The following QTMAN variants were observed in gnomAD, a reference collection of about 807,000 sequenced individuals.
QTMAN encodes queuosine-tRNA mannosyltransferase, also known as tRNA-queuosine alpha-mannosyltransferase.
At chr2:144,045,683 T>C in the QTMAN span, among the ~76,000 whole-genome samples, 1 of 152,182 alleles carries the variant, frequency 6.6e-6, no homozygotes, top group African/African-American at 2.4e-5. Flanking sequence ...TTATAAGTAT[T>C]AGTTGTAACT....
At chr2:144,100,968 G>C in the QTMAN span, among the ~76,000 whole-genome samples, 1 of 141,338 alleles carries the variant, frequency 7.1e-6, no homozygotes, top group Admixed American at 7.5e-5. Context: ...CTCCCGGGTT[G>C]ATGCCATTCT....
chr2:144,085,410 GC>G, the QTMAN span, among the ~76,000 whole-genome samples: 1 of 152,192 alleles, frequency 6.6e-6, no homozygotes, highest in Admixed American at 6.5e-5. Flanking sequence ...GGAATAGTGT[GC>G]TTTTGCTAGT....
At chr2:144,267,067 GA>G in the QTMAN span, among the ~76,000 whole-genome samples, 13 of 150,436 alleles carry the variant, frequency 8.6e-5, no homozygotes, top group Admixed American at 2.0e-4. Context: ...ATATTTAGAG[GA>G]AAAAAAAATA....
the QTMAN span, among the ~76,000 whole-genome samples, chr2:144,058,478 T>C: frequency 2.0e-5 from 3 of 152,198 alleles, no homozygotes; most frequent in South Asian, 6.2e-4. Context: ...ATAATATCAC[T>C]AGGTCTATTA....
the QTMAN span, among the ~76,000 whole-genome samples, chr2:144,085,255 C>G: frequency 2.0e-5 from 3 of 152,340 alleles, no homozygotes; most frequent in East Asian, 5.8e-4. Context: ...AAGTGGCCAG[C>G]CCCTGGCCAT....
chr2:144,011,697 A>G, the QTMAN span: 5 of 984,488 alleles, frequency 5.1e-6, no homozygotes, highest in Non-Finnish European at 6.0e-6. Context: ...TGGCTTTTCT[A>G]TAGAACTGGA....
the QTMAN span, among the ~76,000 whole-genome samples, chr2:144,298,261 G>T: frequency 1.3e-5 from 2 of 151,552 alleles, no homozygotes; most frequent in Non-Finnish European, 2.9e-5. Context: ...CTCATGATCC[G>T]CCTGCCTTGG....
chr2:144,260,836 C>T, the QTMAN span, among the ~76,000 whole-genome samples: 2 of 151,574 alleles, frequency 1.3e-5, no homozygotes, highest in Non-Finnish European at 2.9e-5. Flanking sequence ...TTAATTCATA[C>T]TTAGTGAATG....
the QTMAN span, chr2:144,128,037 C>G: frequency 1.3e-5 from 2 of 152,030 alleles, no homozygotes; most frequent in African/African-American, 4.8e-5. Flanking sequence ...AGTGTTGCTA[C>G]AGCCACCCTG....
the QTMAN span, among the ~76,000 whole-genome samples, chr2:144,112,044 C>T: frequency 6.6e-6 from 1 of 152,124 alleles, no homozygotes; most frequent in Non-Finnish European, 1.5e-5. Flanking sequence ...TGAAGAATAA[C>T]CTAATTGGTT....
the QTMAN span, among the ~76,000 whole-genome samples, chr2:144,205,604 G>A: frequency 2.6e-5 from 4 of 152,116 alleles, no homozygotes; most frequent in Non-Finnish European, 5.9e-5. Flanking sequence ...GCCGTTAAGT[G>A]GGCAATGATC....
chr2:144,088,517 T>C, the QTMAN span, among the ~76,000 whole-genome samples: 2 of 151,906 alleles, frequency 1.3e-5, no homozygotes, highest in Admixed American at 6.6e-5. Context: ...AGCCAAAACA[T>C]TCCTAGGCAA....
At chr2:144,302,599 G>T in the QTMAN span, among the ~76,000 whole-genome samples, 1 of 152,090 alleles carries the variant, frequency 6.6e-6, no homozygotes, top group African/African-American at 2.4e-5. Context: ...TATTTTAAAG[G>T]CTGTTTCAGT....
the QTMAN span, chr2:143,952,856 T>C: frequency 6.5e-7 from 1 of 1,534,078 alleles, no homozygotes; most frequent in Admixed American, 1.7e-5. Flanking sequence ...AGAAAAATTT[T>C]AGAAAGAGGG....
the QTMAN span, among the ~76,000 whole-genome samples, chr2:144,215,467 A>T: frequency 6.6e-6 from 1 of 152,100 alleles, no homozygotes; most frequent in African/African-American, 2.4e-5. Flanking sequence ...AAATATGCAC[A>T]ATTTCCACAA....
At chr2:144,324,642 G>A in the QTMAN span, among the ~76,000 whole-genome samples, 10 of 152,120 alleles carry the variant, frequency 6.6e-5, no homozygotes, top group South Asian at 2.1e-4. Context: ...CACAAGGTCC[G>A]GACACAGAGC....
the QTMAN span, among the ~76,000 whole-genome samples, chr2:144,025,274 C>T: frequency 6.6e-6 from 1 of 152,286 alleles, no homozygotes; most frequent in Non-Finnish European, 1.5e-5. Context: ...AAACTCAACA[C>T]CTGCCTCCTT....
At chr2:144,062,377 A>C in the QTMAN span, among the ~76,000 whole-genome samples, 3 of 152,228 alleles carry the variant, frequency 2.0e-5, no homozygotes, top group Non-Finnish European at 4.4e-5. Flanking sequence ...GAGGAAACTG[A>C]GGCATAAAGG....
At chr2:144,184,078 A>C in the QTMAN span, among the ~76,000 whole-genome samples, 1 of 152,184 alleles carries the variant, frequency 6.6e-6, no homozygotes, top group African/African-American at 2.4e-5. Context: ...TAAGTTAGAG[A>C]GTATGTGTGA....
Sources: gnomAD v4.1 joint callset for allele counts (sites outside exome capture counted in the v4.1 genomes callset) on GRCh38, gnomAD v4.1.1 for gene constraint, MANE v1.5 for transcripts, NCBI Gene and HGNC (gene_info 2026-07-23, HGNC 2026-07-21) for gene names.